NPM1: variants seen among roughly 807,000 people sequenced by gnomAD.
The protein encoded by NPM1 is nucleophosmin.
In NPM1, 1 loss-of-function variant was observed where a neutral mutation model predicts 44.1. The ratio of observed to expected loss-of-function variants is 0.02; its 90% confidence interval spans 0.01 to 0.11. The LOEUF is 0.11. Ranked by LOEUF, NPM1 falls within the 10% of genes least tolerant of loss-of-function variation. The pLI, the probability that NPM1 is intolerant of heterozygous loss-of-function variation, is 1.00. For missense variants in NPM1, 197 were observed against 347.8 expected (o/e 0.57, Z 3.45); for synonymous variants, 126 against 111.8 (o/e 1.13, Z -0.80).
At chr5:171,399,709 C>T (rs950620711) in intron 6 of NPM1, among the ~76,000 whole-genome samples, 3 of 151,690 alleles carry the variant, frequency 2.0e-5, no homozygotes, top group Admixed American at 6.6e-5. Context: ...CAAATTCACT[C>T]TGAGTGTACA....
intron 7 of NPM1, 85 bp downstream of exon 7, chr5:171,400,295 G>T: frequency 1.0e-6 from 1 of 955,930 alleles, no homozygotes; most frequent in South Asian, 1.9e-5. Flanking sequence ...TTGTAGTTAA[G>T]GGAAGCTGGT....
intron 6 of NPM1, among the ~76,000 whole-genome samples, chr5:171,393,749 T>C (rs1187091949): frequency 6.6e-6 from 1 of 152,204 alleles, no homozygotes; most frequent in East Asian, 1.9e-4. Context: ...ATTGGGAGTT[T>C]AGGTTTTAAG....
At chr5:171,401,963 T>C (rs972000382) in intron 8 of NPM1, among the ~76,000 whole-genome samples, 5 of 151,852 alleles carry the variant, frequency 3.3e-5, no homozygotes, top group Admixed American at 2.6e-4. Context: ...GCTCTACTTA[T>C]GGAGATTGTC....
chr5:171,400,240 A>T, intron 7 of NPM1, 30 bp downstream of exon 7: 1 of 1,612,764 alleles, frequency 6.2e-7, no homozygotes, highest in Non-Finnish European at 8.5e-7. Flanking sequence ...CAAGGTTGTT[A>T]AACTAACAAT....
At chr5:171,409,399 A>T (rs1771714758) in intron 10 of NPM1, among the ~76,000 whole-genome samples, 1 of 152,072 alleles carries the variant, frequency 6.6e-6, no homozygotes, top group Non-Finnish European at 1.5e-5. Context: ...TAAAAATACT[A>T]AATTTAGCTG....
At chr5:171,391,601 GA>G (rs1770581783) in intron 3 of NPM1, 104 bp from the exon 4 acceptor site, 1 of 1,113,434 alleles carries the variant, frequency 9.0e-7, no homozygotes, top group Non-Finnish European at 1.3e-6. Flanking sequence ...ATCAGAGGTG[GA>G]AAAACAGGTT....
chr5:171,397,478 C>T (rs1468637142), intron 6 of NPM1, among the ~76,000 whole-genome samples: 4 of 152,170 alleles, frequency 2.6e-5, no homozygotes, highest in Admixed American at 2.0e-4. Context: ...GACTCTAATC[C>T]TGGTGGTATG....
At chr5:171,395,846 G>A (rs1477923008) in intron 6 of NPM1, among the ~76,000 whole-genome samples, 1 of 152,176 alleles carries the variant, frequency 6.6e-6, no homozygotes, top group Admixed American at 6.5e-5. Context: ...AGCAAGAAAG[G>A]CTATGTAATG....
rs762428128 is a variant in NPM1 at position 171,387,999 on chromosome 5, T to C, written c.51T>C (p.Tyr17=). 29 of 1,611,852 alleles carry C rather than the reference T, an allele frequency of 1.8e-5. No individual in the cohort carries two copies. In the Admixed American group the frequency reaches 3.0e-4, roughly 17 times the overall value. ...TGAGCCCCCTGAGGCCCCAGAACTA[T>C]CTTTTCGGTAACTGCTGGGGGGAGC... ...MDMSPLRPQN[Y]LFGCELKADK... is the part of the protein sequence containing the mutation. Residue 17 remains tyrosine (Y), a synonymous_variant, in exon 1 of 11, where the codon TAT becomes TAC. Transcript: ENST00000296930.
rs779857289 is a variant in NPM1, at chr5:171,410,617, G to A, written c.*52G>A. 3 of 1,043,696 alleles carry A rather than the reference G, an allele frequency of 2.9e-6. No individual in the cohort carries two copies. The highest frequency in any genetic ancestry group is 4.2e-6 in the Non-Finnish European group (3 of 708,664). 64.7% of individuals were successfully genotyped at this position (1,043,696 alleles called of 1,614,324 possible). ...AAATTTTCCGTCTTATTTCATTTCT[G>A]TAACAGTTGATATCTGGCTGTCCTT... On this transcript the variant is annotated 3_prime_UTR_variant, in exon 11 of 11. Transcript: ENST00000296930.
intron 6 of NPM1, among the ~76,000 whole-genome samples, chr5:171,398,299 C>T (rs973352300): frequency 2.0e-5 from 3 of 152,096 alleles, no homozygotes; most frequent in Non-Finnish European, 4.4e-5. Context: ...TGAAAATTTG[C>T]CCCCTTAATT....
intron 1 of NPM1, among the ~76,000 whole-genome samples, chr5:171,389,211 C>A (rs1467986226): frequency 6.6e-6 from 1 of 152,196 alleles, no homozygotes; most frequent in Non-Finnish European, 1.5e-5. Flanking sequence ...GAAGTAAATG[C>A]AAATCCTACC....
intron 9 of NPM1, chr5:171,406,468 A>G (rs1771574674): frequency 1.2e-6 from 2 of 1,608,842 alleles, no homozygotes; most frequent in African/African-American, 1.3e-5. Flanking sequence ...AGGAGAGACA[A>G]ATATAGTCCA....
chr5:171,397,201 G>T (rs1770951331), intron 6 of NPM1, among the ~76,000 whole-genome samples: 1 of 152,098 alleles, frequency 6.6e-6, no homozygotes, highest in African/African-American at 2.4e-5. Context: ...GTGTTTTCAA[G>T]TTTCATCCAT....
intron 6 of NPM1, among the ~76,000 whole-genome samples, chr5:171,395,643 T>C (rs914214872): frequency 6.6e-5 from 10 of 152,170 alleles, no homozygotes; most frequent in Non-Finnish European, 8.8e-5. Flanking sequence ...GAAACAAATA[T>C]TAATAGAAAC....
chr5:171,408,147 C>CTT (rs142729767), intron 10 of NPM1, among the ~76,000 whole-genome samples: 7,968 of 142,008 alleles, frequency 0.056, 411 homozygotes, highest in Admixed American at 0.14. Flanking sequence ...TGGTAGAGAT[C>CTT]TTTTTTTTTT....
intron 6 of NPM1, 107 bp downstream of exon 6, chr5:171,393,085 C>T (rs992370646): frequency 2.2e-6 from 3 of 1,395,034 alleles, no homozygotes; most frequent in Non-Finnish European, 2.9e-6. Flanking sequence ...TACAAAAAGC[C>T]ATCCTATGTA....
chr5:171,409,721 G>T (rs1290698699), intron 10 of NPM1, among the ~76,000 whole-genome samples: 1 of 152,158 alleles, frequency 6.6e-6, no homozygotes, highest in African/African-American at 2.4e-5. Flanking sequence ...GGCCAGGCTG[G>T]TCTTGAACTC....
chr5:171,400,721 C>CA, intron 7 of NPM1, 118 bp from the exon 8 acceptor site: 1 of 637,220 alleles, frequency 1.6e-6, no homozygotes, highest in Non-Finnish European at 2.8e-6. Context: ...CCTGGGATTA[C>CA]AGGCATGAGC....
Sources: gnomAD v4.1 joint callset for allele counts (sites outside exome capture counted in the v4.1 genomes callset) on GRCh38, gnomAD v4.1.1 for gene constraint, MANE v1.5 for transcripts, NCBI Gene and HGNC (gene_info 2026-07-23, HGNC 2026-07-21) for gene names.